The following WDR27 variants were observed in gnomAD, a reference collection of about 807,000 sequenced individuals.
The protein encoded by WDR27 is WD repeat domain 27, also known as WD repeat-containing protein 27.
Under a neutral mutation model 114.4 loss-of-function variants are expected in WDR27, and 100 were observed. The ratio of observed to expected loss-of-function variants is 0.87; its 90% CI spans 0.74 to 1.03. The LOEUF is 1.03. WDR27 is among the 50% of genes least tolerant of loss of function. The pLI is 0.00. For missense variants in WDR27, 1,129 were observed against 1,092.9 expected (o/e 1.03, Z -0.47); for synonymous variants, 449 against 423.1 (o/e 1.06, Z -0.75).
rs76032305 is a variant in WDR27, at chr6:169,549,063, C to G, written c.2645+23356G>C. Reference sequence around the variant, plus strand: ...AGAATAACTGAAAATCAGGACTTCACTGGAATTAAAAACTTCTCTGAAATG... The same window carrying G: ...AGAATAACTGAAAATCAGGACTTCAGTGGAATTAAAAACTTCTCTGAAATG... On this transcript the variant is annotated intron_variant, in intron 25 of 25. Transcript: ENST00000448612. Among the ~76,000 whole-genome samples the G allele has an allele frequency of 3.4e-3, 512 of 152,258 alleles. 14 individuals carry two copies. In the East Asian group the frequency reaches 0.051, roughly 15 times the overall value.
At position 169,634,622 on chromosome 6, in the gene WDR27, TC is replaced by T. The variant is rs1396801857; in HGVS notation, c.2004-98del. On this transcript the variant is annotated intron_variant, in intron 19 of 25. Coordinates refer to ENST00000448612, the MANE Select transcript of WDR27 (RefSeq NM_182552.5). Reference sequence around the variant, plus strand: ...AACATTAAACATGAAAAGAAAGTTTTCATATCACTTTAAAAATCATATTTTA... The same window carrying T: ...AACATTAAACATGAAAAGAAAGTTTTATATCACTTTAAAAATCATATTTTA... 6.8e-6 allele frequency: 5 copies of T among 733,582 alleles called. No homozygotes were observed. In the East Asian group the frequency reaches 1.5e-4, roughly 21 times the overall value. 45.4% of individuals were successfully genotyped at this position (733,582 alleles called of 1,614,324 possible). A position where few individuals can be genotyped will look rare whatever the true frequency, so the allele number is the denominator to read the frequency against.
intron 21 of WDR27, among the ~76,000 whole-genome samples, chr6:169,625,757 C>T (rs965061841): frequency 5.9e-5 from 9 of 152,216 alleles, no homozygotes; most frequent in Non-Finnish European, 8.8e-5. Flanking sequence ...ACCCCTACTC[C>T]GTCTGGGGCT....
intron 12 of WDR27, among the ~76,000 whole-genome samples, chr6:169,658,686 CT>C (rs756818206): frequency 0.03 from 4,156 of 140,440 alleles, 106 homozygotes; most frequent in African/African-American, 0.082. Context: ...TCCGAGTTTT[CT>C]TTTTTTTTTT....
intron 9 of WDR27, among the ~76,000 whole-genome samples, chr6:169,661,668 G>T (rs1359928260): frequency 6.6e-6 from 1 of 152,118 alleles, no homozygotes; most frequent in Admixed American, 6.5e-5. Flanking sequence ...CCCACCGGGA[G>T]CACCGTGTCC....
chr6:169,493,974 T>G (rs1296496891), intron 25 of WDR27, among the ~76,000 whole-genome samples: 1 of 152,236 alleles, frequency 6.6e-6, no homozygotes, highest in Non-Finnish European at 1.5e-5. Flanking sequence ...AATGCAAGTG[T>G]GAGTTTCTCT....
chr6:169,633,362 G>A (rs1345590428), intron 20 of WDR27, among the ~76,000 whole-genome samples: 1 of 152,182 alleles, frequency 6.6e-6, no homozygotes, highest in Non-Finnish European at 1.5e-5. Flanking sequence ...GATACGTGGT[G>A]TTTGAGATGT....
Position 169,659,344 on chromosome 6 carries a change from AC to A in WDR27, c.1197+106del. The A allele has an allele frequency of 6.4e-7, 1 of 1,572,902 alleles. No homozygotes were observed. On this transcript the variant is annotated intron_variant, in intron 11 of 25. Coordinates refer to ENST00000448612, the MANE Select transcript of WDR27 (RefSeq NM_182552.5). The surrounding 1 kb of genome is among the most constrained non-coding windows in gnomAD (Gnocchi z 4.3). ...GCCCTGTCACTCCTAAAACGTTTTTACACACAAAATCCCGTTTACTCAGCCA... is the reference window on the plus strand; with the variant it reads ...GCCCTGTCACTCCTAAAACGTTTTTAACACAAAATCCCGTTTACTCAGCCA...
intron 23 of WDR27, among the ~76,000 whole-genome samples, chr6:169,601,278 C>T (rs1807924452): frequency 6.6e-6 from 1 of 152,180 alleles, no homozygotes; most frequent in Admixed American, 6.5e-5. Flanking sequence ...ATTCTGTCAC[C>T]ACCAGGTCTT....
chr6:169,538,405 C>T (rs1010896014), intron 25 of WDR27, among the ~76,000 whole-genome samples: 33 of 152,078 alleles, frequency 2.2e-4, no homozygotes, highest in African/African-American at 7.2e-4. Flanking sequence ...AACTTCCAAC[C>T]GTGCGACATA....
chr6:169,647,011 A>G (rs912537502), intron 16 of WDR27, among the ~76,000 whole-genome samples: 3 of 152,170 alleles, frequency 2.0e-5, no homozygotes, highest in African/African-American at 7.2e-5. Flanking sequence ...AGGGTAGGGC[A>G]GGGTACCGGC....
rs1824741642 is a variant in WDR27 at position 169,658,037 on chromosome 6, G to A, written c.1402+239C>T. 7.2e-6 allele frequency: 3 copies of A among 417,750 alleles called. No homozygotes were observed. The South Asian group carries it at 8.7e-5, about 12-fold the overall frequency. The allele number at this position is 417,750 out of a possible 1,614,324, so 25.9% of individuals were successfully genotyped here. A position where few individuals can be genotyped will look rare whatever the true frequency, so the allele number is the denominator to read the frequency against. ...CACCAGAGGAACAGCGGTCAGTCTT[G>A]GGCACGTTGCTGAATCCCATGAGTG... On this transcript the variant is annotated intron_variant, in intron 13 of 25. Coordinates refer to ENST00000448612, the MANE Select transcript of WDR27 (RefSeq NM_182552.5).
intron 25 of WDR27, among the ~76,000 whole-genome samples, chr6:169,533,940 G>C (rs1376850311): frequency 6.6e-6 from 1 of 152,176 alleles, no homozygotes; most frequent in Admixed American, 6.5e-5. Context: ...ATGATGAACA[G>C]AAGTGGTGAG....
intron 2 of WDR27, among the ~76,000 whole-genome samples, chr6:169,683,822 C>T (rs1782193423): frequency 6.6e-6 from 1 of 152,210 alleles, no homozygotes; most frequent in African/African-American, 2.4e-5. Flanking sequence ...CCCACAGTCC[C>T]TGCAAGCCCT....
intron 10 of WDR27, 32 bp downstream of exon 10, chr6:169,660,629 TAC>T (rs1255354104): frequency 6.4e-7 from 1 of 1,563,504 alleles, no homozygotes; most frequent in Admixed American, 1.7e-5. Context: ...AGGAAAACAT[TAC>T]AGTTACATGG....
the WDR27 span, among the ~76,000 whole-genome samples, chr6:169,442,927 G>T: frequency 6.6e-6 from 1 of 152,212 alleles, no homozygotes; most frequent in African/African-American, 2.4e-5. Context: ...TCTGTGGCTT[G>T]CAACCAAAAA....
chr6:169,691,966 G>A (rs919255482), intron 1 of WDR27, among the ~76,000 whole-genome samples: 1 of 152,144 alleles, frequency 6.6e-6, no homozygotes, highest in African/African-American at 2.4e-5. Context: ...CAAAAAAAAT[G>A]AAAGAATTCA....
intron 25 of WDR27, among the ~76,000 whole-genome samples, chr6:169,474,370 AC>A (rs1435031524): frequency 2.0e-5 from 3 of 152,232 alleles, no homozygotes; most frequent in Non-Finnish European, 4.4e-5. Context: ...GAAACAAAGT[AC>A]TAAGAACTTT....
chr6:169,451,321 C>A, the WDR27 span, among the ~76,000 whole-genome samples: 1 of 152,154 alleles, frequency 6.6e-6, no homozygotes, highest in Non-Finnish European at 1.5e-5. Context: ...CAGATAGAAC[C>A]AATGTACATC....
At chr6:169,426,458 C>T in the WDR27 span, 8 of 152,218 alleles carry the variant, frequency 5.3e-5, no homozygotes, top group Middle Eastern at 3.4e-3. Context: ...AAAGGTTAAC[C>T]GTCTCAAATT....
Sources: gnomAD v4.1 joint callset for allele counts (sites outside exome capture counted in the v4.1 genomes callset) on GRCh38, gnomAD v4.1.1 for gene constraint, Gnocchi (gnomAD v3.1) non-coding constraint, MANE v1.5 for transcripts, NCBI Gene and HGNC (gene_info 2026-07-23, HGNC 2026-07-21) for gene names.